Variants in EDNRA observed in about 807,000 individuals in gnomAD.
EDNRA encodes endothelin receptor type A.
EDNRA carries 11 observed loss-of-function variants against 41.4 expected under a neutral mutation model. That is an observed-to-expected ratio of 0.27 (90% CI 0.17 to 0.44). The LOEUF is 0.44. EDNRA is among the 20% of genes least tolerant of loss of function. The pLI is 1.00. For synonymous variants in EDNRA, 172 were observed against 183.0 expected (o/e 0.94, Z 0.49); for missense variants, 294 against 531.0 (o/e 0.55, Z 4.39).
chr4:147,485,833 CT>C lies in EDNRA; in HGVS notation c.153del (p.His52IlefsTer34), dbSNP rs751591169. 1 of 1,614,244 alleles carries C rather than the reference CT, an allele frequency of 6.2e-7. No individual in the cohort carries two copies. The highest frequency in any genetic ancestry group is 1.1e-5 in the South Asian group (1 of 91,082). On this transcript the variant is annotated frameshift_variant, in exon 2 of 8. Coordinates refer to ENST00000651419, the MANE Select transcript of EDNRA (RefSeq NM_001957.4). LOFTEE classifies it high-confidence loss of function. ...RGTELSFLVT[T>X]HQPTNLVLPS... The stretch of plus-strand genomic sequence containing the variant: ...ACAGAGCTCAGCTTCCTGGTTACCA[CT>C]CATCAACCCACTAATTTGGTCCTAC...
chr4:147,488,075 T>C (rs1213321623), intron 2 of EDNRA: 1 of 152,230 alleles, frequency 6.6e-6, no homozygotes, highest in African/African-American at 2.4e-5. Context: ...TTATTCAAAC[T>C]TATGAACTAG....
At chr4:147,531,893 C>G (rs1303577252) in intron 3 of EDNRA, among the ~76,000 whole-genome samples, 1 of 150,670 alleles carries the variant, frequency 6.6e-6, no homozygotes, top group Non-Finnish European at 1.5e-5. Context: ...GCCTGTAGTC[C>G]CAGCTACTCG....
At chr4:147,495,488 T>A (rs767823743) in intron 2 of EDNRA, 1 of 152,230 alleles carries the variant, frequency 6.6e-6, no homozygotes, top group Non-Finnish European at 1.5e-5. Flanking sequence ...GTCTTGCAGA[T>A]GGCCTTGGGA....
intron 2 of EDNRA, among the ~76,000 whole-genome samples, chr4:147,496,810 T>A (rs1729315211): frequency 6.6e-6 from 1 of 152,238 alleles, no homozygotes; most frequent in East Asian, 1.9e-4. Context: ...TGTGTGAATA[T>A]CGCACTTTCT....
chr4:147,498,015 A>C (rs549375454), intron 2 of EDNRA, among the ~76,000 whole-genome samples: 1 of 152,348 alleles, frequency 6.6e-6, no homozygotes, highest in East Asian at 1.9e-4. Flanking sequence ...AATTTACCAA[A>C]TTGGAACACA....
intron 2 of EDNRA, among the ~76,000 whole-genome samples, chr4:147,505,370 G>A (rs865922354): frequency 7.0e-5 from 8 of 114,992 alleles, no homozygotes; most frequent in Middle Eastern, 7.1e-3. Context: ...GTGGAGTTGC[G>A]CTCTTGTTGC....
At chr4:147,533,956 A>G (rs773572677) in intron 4 of EDNRA, among the ~76,000 whole-genome samples, 20 of 152,210 alleles carry the variant, frequency 1.3e-4, no homozygotes, top group Non-Finnish European at 2.5e-4. Flanking sequence ...AGTTCATTCC[A>G]AGTCTGAAGT....
At chr4:147,542,087 T>A (rs931786184) in intron 7 of EDNRA, among the ~76,000 whole-genome samples, 1 of 152,058 alleles carries the variant, frequency 6.6e-6, no homozygotes. Context: ...CATCCAAGGC[T>A]GTTGTGAGGA....
chr4:147,541,046 C>A (rs1469612678), intron 7 of EDNRA, among the ~76,000 whole-genome samples: 7 of 113,252 alleles, frequency 6.2e-5, no homozygotes, highest in African/African-American at 2.5e-4. Context: ...CCAGCCTGGG[C>A]GACAGAGCCA....
At chr4:147,496,338 T>A (rs1011121300) in intron 2 of EDNRA, among the ~76,000 whole-genome samples, 14 of 152,194 alleles carry the variant, frequency 9.2e-5, no homozygotes, top group Admixed American at 2.0e-4. Context: ...GTATGGGTAT[T>A]TCTCTGCATA....
chr4:147,528,300 A>G (rs1730622564), intron 3 of EDNRA, among the ~76,000 whole-genome samples: 1 of 152,004 alleles, frequency 6.6e-6, no homozygotes, highest in Admixed American at 6.6e-5. Flanking sequence ...CAACATACAA[A>G]ATGTCAGCCT....
In EDNRA at chr4:147,486,138, C is replaced by A; in HGVS notation, c.420+37C>A. On this transcript the variant is annotated intron_variant, in intron 2 of 7. Transcript: ENST00000651419. The surrounding 1 kb of genome is among the most constrained non-coding windows in gnomAD (Gnocchi z 4.3). ...CCACAAATGTATTTGCAAATTTAAA[C>A]CCATGCTCTGATTCCACGTGGAGAG... The A allele has an allele frequency of 6.4e-7, 1 of 1,563,394 alleles. No homozygotes were observed. Among genetic ancestry groups the A allele is most frequent in the Non-Finnish European group, 8.7e-7 (1 of 1,153,420 alleles).
chr4:147,535,104 T>C (rs1204766413), intron 4 of EDNRA, among the ~76,000 whole-genome samples: 7 of 152,208 alleles, frequency 4.6e-5, no homozygotes. Context: ...AAGTTGGTGA[T>C]TAATTTTGTG....
chr4:147,539,751 G>A (rs1560920378), intron 5 of EDNRA, 66 bp from the exon 6 acceptor site: 13 of 1,541,810 alleles, frequency 8.4e-6, no homozygotes, highest in Non-Finnish European at 1.1e-5. Context: ...TCTTGGTACT[G>A]TAGTTCTTGC....
At chr4:147,538,195 C>T (rs1297217820) in intron 5 of EDNRA, among the ~76,000 whole-genome samples, 3 of 152,152 alleles carry the variant, frequency 2.0e-5, no homozygotes, top group Non-Finnish European at 4.4e-5. Flanking sequence ...GCTTCAGTCT[C>T]AGGAGACTGT....
intron 2 of EDNRA, among the ~76,000 whole-genome samples, chr4:147,500,743 TA>T (rs11405111): frequency 0.013 from 1,715 of 129,254 alleles, 11 homozygotes; most frequent in Non-Finnish European, 0.017. Flanking sequence ...GGGATGGAGG[TA>T]AAAAAAAAAA....
At chr4:147,495,242 G>A (rs1054841378) in intron 2 of EDNRA, 4 of 152,184 alleles carry the variant, frequency 2.6e-5, no homozygotes, top group Non-Finnish European at 5.9e-5. Context: ...AGGCTGTGCT[G>A]TTAGCCAGCC....
At chr4:147,488,641 A>G (rs2126377405) in intron 2 of EDNRA, 1 of 152,366 alleles carries the variant, frequency 6.6e-6, no homozygotes, top group East Asian at 1.9e-4. Flanking sequence ...TTTCCAGAGG[A>G]AAAGAGAAAA....
chr4:147,504,101 T>C (rs1383663198), intron 2 of EDNRA, among the ~76,000 whole-genome samples: 1 of 152,174 alleles, frequency 6.6e-6, no homozygotes, highest in Non-Finnish European at 1.5e-5. Flanking sequence ...GTTGTTTTGG[T>C]TGAAGCATAT....
Sources: gnomAD v4.1 joint callset for allele counts (sites outside exome capture counted in the v4.1 genomes callset) on GRCh38, gnomAD v4.1.1 for gene constraint, Gnocchi (gnomAD v3.1) non-coding constraint, MANE v1.5 for transcripts, NCBI Gene and HGNC (gene_info 2026-07-23, HGNC 2026-07-21) for gene names.